The following FBXO22 variants were observed in gnomAD, a reference collection of about 807,000 sequenced individuals.
FBXO22 encodes F-box protein 22, also known as F-box only protein 22.
FBXO22 carries 13 observed loss-of-function variants against 37.2 expected under a neutral mutation model. That is an observed-to-expected ratio of 0.35 (90% CI 0.23 to 0.56). FBXO22 has a LOEUF of 0.56. Among genes scored for constraint, FBXO22 ranks in the 20% least tolerant of loss-of-function variants. FBXO22 has a pLI of 0.87. For missense variants in FBXO22, 446 were observed against 509.9 expected, an observed-to-expected ratio of 0.87 and a Z score of 1.21; for synonymous variants, 189 against 189.1, an observed-to-expected ratio of 1.00 and a Z score of 0.00.
chr15:75,906,819 G>T (rs1385559792), intron 2 of FBXO22, among the ~76,000 whole-genome samples: 2 of 152,158 alleles, frequency 1.3e-5, no homozygotes, highest in Non-Finnish European at 2.9e-5. Flanking sequence ...TTCCTCGAAA[G>T]TGTTCTCTGG....
In FBXO22 at chr15:75,904,619, A is replaced by G. The variant is rs548845213; in HGVS notation, c.269A>G (p.Glu90Gly). The G allele has an allele frequency of 5.0e-6, 8 of 1,606,202 alleles. No individual in the cohort carries two copies. In the East Asian group the frequency reaches 1.6e-4, roughly 32 times the overall value. ...CATTGCTTGGTTCGCGTGGTAGCAGAGGAGCTTGAGGCAAGTAGCAAGGGG... is the reference window on the plus strand; with the variant it reads ...CATTGCTTGGTTCGCGTGGTAGCAGGGGAGCTTGAGGCAAGTAGCAAGGGG... ...EGHCLVRVVA[E>G]ELENVRILPH... Residue 90 changes from glutamate (E) to glycine (G), a missense_variant, in exon 2 of 7, where the codon GAG becomes GGG. By Grantham distance (98) the Glu-to-Gly change is moderately conservative (BLOSUM62 -2). Around this residue, in one of 2 missense-constraint regions of FBXO22, gnomAD observed 315 missense variants for 410.1 expected, o/e 0.77. Transcript: ENST00000308275.
In FBXO22 at chr15:75,937,359, A is replaced by AT. The variant is rs1555427711; in HGVS notation, c.*4259dup. On this transcript the variant is annotated 3_prime_UTR_variant, in exon 7 of 7. Transcript: ENST00000308275. ...CCCATCTCTACTGAAAGTACACAAA[A>AT]TTAGCTGGGCATGGTGGCGGGCACC... The AT allele has an allele frequency of 2.7e-5, 4 of 150,132 alleles. No individual in the cohort carries two copies. Among genetic ancestry groups the AT allele is most frequent in the Admixed American group, 2.7e-4 (4 of 15,080 alleles). 9.3% of individuals were successfully genotyped at this position (150,132 alleles called of 1,614,324 possible). A position where few individuals can be genotyped will look rare whatever the true frequency, so the allele number is the denominator to read the frequency against.
chr15:75,935,709 C>T lies in FBXO22; in HGVS notation c.*2607C>T, dbSNP rs977411803. On this transcript the variant is annotated 3_prime_UTR_variant, in exon 7 of 7. Coordinates refer to ENST00000308275, the MANE Select transcript of FBXO22 (RefSeq NM_147188.3). ...ACCTACGAGGCCAGATAGCAAAAGACGTGCAACTGGTTTATATTGCAAATT... is the reference window on the plus strand; with the variant it reads ...ACCTACGAGGCCAGATAGCAAAAGATGTGCAACTGGTTTATATTGCAAATT... 2.6e-5 allele frequency: 4 copies of T among 151,504 alleles called. No homozygotes were observed. The highest frequency in any genetic ancestry group is 5.9e-5 in the Non-Finnish European group (4 of 67,938). 9.4% of individuals were successfully genotyped at this position (151,504 alleles called of 1,614,324 possible). A position where few individuals can be genotyped will look rare whatever the true frequency, so the allele number is the denominator to read the frequency against.
chr15:75,936,550 A>G lies in FBXO22; in HGVS notation c.*3448A>G, dbSNP rs988621750. The stretch of plus-strand genomic sequence containing the variant: ...CAAAGTAGGAAACTGGCAGAAGCCA[A>G]TAAGTATCACTTAATATTTTGGTAT... On this transcript the variant is annotated 3_prime_UTR_variant, in exon 7 of 7. Transcript: ENST00000308275. 1 of 152,198 alleles carries G rather than the reference A, an allele frequency of 6.6e-6. No homozygotes were observed. The highest frequency in any genetic ancestry group is 2.4e-5 in the African/African-American group (1 of 41,458). The allele number at this position is 152,198 out of a possible 1,614,324, so 9.4% of individuals were successfully genotyped here.
At chr15:75,913,964 T>G in intron 3 of FBXO22, 146 bp from the exon 4 acceptor site, 1 of 594,918 alleles carries the variant, frequency 1.7e-6, no homozygotes, top group Non-Finnish European at 2.9e-6. Context: ...AAAGTGTTTG[T>G]TTTAATCAAT....
In FBXO22 at chr15:75,930,904, T is replaced by C. The variant is rs79757311; in HGVS notation, c.794+855T>C. 3.8e-4 allele frequency: 360 copies of C among 950,640 alleles called. 2 individuals are homozygous for C. Among genetic ancestry groups the C allele is most frequent in the Non-Finnish European group, 4.2e-4 (336 of 798,296 alleles). 58.9% of individuals were successfully genotyped at this position (950,640 alleles called of 1,614,324 possible). On this transcript the variant is annotated intron_variant, in intron 6 of 6. Coordinates refer to ENST00000308275, the MANE Select transcript of FBXO22 (RefSeq NM_147188.3). The stretch of plus-strand genomic sequence containing the variant: ...AGAATAATGTAAGTCATCCTAGTTA[T>C]AGTCTCTCTTCTGGTTATCTCTATG...
At chr15:75,906,961 TTATA>T (rs1406614122) in intron 2 of FBXO22, among the ~76,000 whole-genome samples, 1 of 152,166 alleles carries the variant, frequency 6.6e-6, no homozygotes, top group Non-Finnish European at 1.5e-5. Flanking sequence ...GATTATGAAA[TTATA>T]TATTTAGTAT....
At chr15:75,904,418 T>G (rs1595908988) in intron 1 of FBXO22, 73 bp from the exon 2 acceptor site, 2 of 1,595,580 alleles carry the variant, frequency 1.3e-6, no homozygotes, top group South Asian at 1.1e-5. Context: ...CGCCAGCGGG[T>G]GGGGGTTTGT....
intron 2 of FBXO22, among the ~76,000 whole-genome samples, chr15:75,908,910 A>G (rs74024019): frequency 0.041 from 6,200 of 152,316 alleles, 220 homozygotes; most frequent in African/African-American, 0.095. Flanking sequence ...CCCACAGGCC[A>G]TCATGCTATC....
At chr15:75,920,328 T>C (rs1002806016) in intron 5 of FBXO22, among the ~76,000 whole-genome samples, 6 of 152,262 alleles carry the variant, frequency 3.9e-5, no homozygotes, top group Non-Finnish European at 7.3e-5. Context: ...CCATTTTGTG[T>C]GTTGCCTGGC....
rs768121710 is a variant in FBXO22 at position 75,904,577 on chromosome 15, C to T, written c.227C>T (p.Ala76Val). 1 of 1,613,432 alleles carries T rather than the reference C, an allele frequency of 6.2e-7. No homozygotes were observed. Among genetic ancestry groups the T allele is most frequent in the South Asian group, 1.1e-5 (1 of 90,996 alleles). The change falls in exon 2 of 7, where the codon GCC becomes GTC. Residue 76 changes from alanine to valine, a missense_variant. This residue lies in a region of FBXO22 where 315 missense variants were observed against 410.1 expected (regional missense o/e 0.77). Coordinates refer to ENST00000308275, the MANE Select transcript of FBXO22 (RefSeq NM_147188.3). Reference sequence around the variant, plus strand: ...TGGATCTCCGCAGGCCTGGCGGAGGCCGGCCACCTGGAGGGGCATTGCTTG... The same window carrying T: ...TGGATCTCCGCAGGCCTGGCGGAGGTCGGCCACCTGGAGGGGCATTGCTTG... Reference protein sequence around the residue: ...VTWISAGLAEAGHLEGHCLVR... With the variant: ...VTWISAGLAEVGHLEGHCLVR...
At position 75,938,887 on chromosome 15, in the gene FBXO22, A is replaced by G. The variant is rs1478324770; in HGVS notation, c.*5785A>G. 6.6e-6 allele frequency: 1 copy of G among 152,204 alleles called. No individual in the cohort carries two copies. The highest frequency in any genetic ancestry group is 1.5e-5 in the Non-Finnish European group (1 of 68,036). 9.4% of individuals were successfully genotyped at this position (152,204 alleles called of 1,614,324 possible). On this transcript the variant is annotated 3_prime_UTR_variant, in exon 7 of 7. Coordinates refer to ENST00000308275, the MANE Select transcript of FBXO22 (RefSeq NM_147188.3). ...AACAAAACACTCAACCAATGGGTCA[A>G]AGAAGAAATCACAAGGGAAATTAAA...
At chr15:75,914,292 C>T (rs1203655379) in intron 4 of FBXO22, 87 bp downstream of exon 4, 2 of 858,914 alleles carry the variant, frequency 2.3e-6, no homozygotes, top group Non-Finnish European at 3.8e-6. Context: ...CTTAGAACCA[C>T]ATTTCTATTT....
intron 2 of FBXO22, among the ~76,000 whole-genome samples, chr15:75,906,618 A>G (rs1026556360): frequency 6.6e-6 from 1 of 152,050 alleles, no homozygotes; most frequent in African/African-American, 2.4e-5. Context: ...TATGTAACCA[A>G]TCTTCTGTTT....
At chr15:75,919,897 T>C (rs2141715592) in intron 5 of FBXO22, among the ~76,000 whole-genome samples, 1 of 152,358 alleles carries the variant, frequency 6.6e-6, no homozygotes, top group South Asian at 2.1e-4. Context: ...GCGCAGCACT[T>C]CTAATCTTCA....
chr15:75,916,055 C>CAAAAAA (rs10591372), intron 4 of FBXO22, among the ~76,000 whole-genome samples: 1 of 61,032 alleles, frequency 1.6e-5, no homozygotes, highest in Non-Finnish European at 3.0e-5. Flanking sequence ...ACTCTGTCTC[C>CAAAAAA]AAAAAAAAAA....
chr15:75,911,619 C>G (rs926730128), intron 2 of FBXO22, among the ~76,000 whole-genome samples: 1 of 152,050 alleles, frequency 6.6e-6, no homozygotes, highest in African/African-American at 2.4e-5. Context: ...GATTTTGTAT[C>G]CTGAGACTTT....
chr15:75,911,810 A>G (rs569313464), intron 2 of FBXO22, among the ~76,000 whole-genome samples: 1 of 150,820 alleles, frequency 6.6e-6, no homozygotes, highest in East Asian at 2.0e-4. Context: ...GTTGAATAGG[A>G]ATGGTGAGAG....
chr15:75,926,939 T>C (rs934327922), intron 5 of FBXO22, among the ~76,000 whole-genome samples: 1 of 152,234 alleles, frequency 6.6e-6, no homozygotes, highest in Non-Finnish European at 1.5e-5. Context: ...CAATGGACAT[T>C]ATCAGTGTGG....
Sources: gnomAD v4.1 joint callset for allele counts (sites outside exome capture counted in the v4.1 genomes callset) on GRCh38, gnomAD v4.1.1 for gene constraint, gnomAD v4.1.1 regional missense constraint, MANE v1.5 for transcripts, NCBI Gene and HGNC (gene_info 2026-07-23, HGNC 2026-07-21) for gene names.